The following FLRT3 variants were observed in gnomAD, a reference collection of about 807,000 sequenced individuals.
FLRT3 encodes the protein fibronectin leucine rich transmembrane protein 3, also known as leucine-rich repeat transmembrane protein FLRT3.
A neutral mutation model predicts 42.6 loss-of-function variants in FLRT3; 17 were observed. The ratio of observed to expected loss-of-function variants is 0.40; its 90% CI spans 0.27 to 0.60. The LOEUF is 0.60. Among genes scored for constraint, FLRT3 ranks in the 20% least tolerant of loss-of-function variants. The pLI is 0.44. For missense variants in FLRT3, 635 were observed against 789.2 expected (o/e 0.80, Z 2.34); for synonymous variants, 279 against 286.4 (o/e 0.97, Z 0.26).
intron 1 of FLRT3, among the ~76,000 whole-genome samples, chr20:14,336,565 ATCCTCTGC>A (rs2082941369): frequency 1.3e-5 from 2 of 152,162 alleles, no homozygotes; most frequent in African/African-American, 4.8e-5. Context: ...CAAAGAATGG[ATCCTCTGC>A]AAAACCCACT....
At chr20:14,335,069 G>A (rs972001146) in intron 1 of FLRT3, among the ~76,000 whole-genome samples, 1 of 152,034 alleles carries the variant, frequency 6.6e-6, no homozygotes, top group African/African-American at 2.4e-5. Flanking sequence ...ATTAAGACAA[G>A]GCCAATTCCC....
Position 14,334,180 on chromosome 20 carries a change from G to A in FLRT3, c.-247+3224C>T, listed in dbSNP as rs147266541. 1.5e-3 allele frequency among the ~76,000 whole-genome samples: 231 copies of A among 152,172 alleles called. 1 individual carries two copies. In the East Asian group the frequency reaches 0.041, roughly 27 times the overall value. ...AAAATCTGTTTTCTCTGGGGTTTTCGTAAATAGATAACTCAAAGTTCTTTC... is the reference window on the plus strand; with the variant it reads ...AAAATCTGTTTTCTCTGGGGTTTTCATAAATAGATAACTCAAAGTTCTTTC... On this transcript the variant is annotated intron_variant, in intron 1 of 2. Transcript: ENST00000341420.
rs1601494586 is a variant in FLRT3 at position 14,332,756 on chromosome 20, A to C, written c.-246-3429T>G. ...GTAAAACCTTGAGACTAAAGAAAAC[A>C]CATGCCTAAACAAATGTATCCAACT... On this transcript the variant is annotated intron_variant, in intron 1 of 2. Transcript: ENST00000341420. 2.0e-5 allele frequency among the ~76,000 whole-genome samples: 3 copies of C among 152,262 alleles called. No homozygotes were observed. The East Asian group carries it at 5.8e-4, about 29-fold the overall frequency.
intron 2 of FLRT3, among the ~76,000 whole-genome samples, chr20:14,328,663 T>C (rs952796944): frequency 3.3e-5 from 5 of 152,132 alleles, no homozygotes; most frequent in African/African-American, 4.8e-5. Flanking sequence ...CTGGGACTTA[T>C]AAACTTTTGT....
intron 2 of FLRT3, among the ~76,000 whole-genome samples, chr20:14,328,390 C>G (rs546999414): frequency 6.6e-6 from 1 of 152,058 alleles, no homozygotes; most frequent in South Asian, 2.1e-4. Context: ...TTTTCTACCT[C>G]ATAACGTGTT....
intron 1 of FLRT3, among the ~76,000 whole-genome samples, chr20:14,334,823 A>C (rs2082908555): frequency 6.6e-6 from 1 of 151,998 alleles, no homozygotes; most frequent in African/African-American, 2.4e-5. Context: ...ATGGGTTTGA[A>C]TAAAAGAATA....
intron 1 of FLRT3, among the ~76,000 whole-genome samples, chr20:14,333,476 G>T (rs1433712518): frequency 6.6e-6 from 1 of 152,106 alleles, no homozygotes; most frequent in Non-Finnish European, 1.5e-5. Context: ...TTGTAAGAAC[G>T]AGTAAGATAT....
At position 14,325,864 on chromosome 20, in the gene FLRT3, A is replaced by T; in HGVS notation, c.1643T>A (p.Val548Glu). 1 of 1,613,930 alleles carries T rather than the reference A, an allele frequency of 6.2e-7. No individual in the cohort carries two copies. The change falls in exon 3 of 3, where the codon GTG becomes GAG. Residue 548 changes from valine to glutamate, a missense_variant. Coordinates refer to ENST00000341420, the MANE Select transcript of FLRT3 (RefSeq NM_198391.3). The part of the protein sequence containing the change: ...ALVTIALLAL[V>E]CWYVHRNGSL... ...TCCATTCCTATGAACATACCAACACACTAAAGCAAGAAGGGCAATGGTAAC... is the reference window on the plus strand; with the variant it reads ...TCCATTCCTATGAACATACCAACACTCTAAAGCAAGAAGGGCAATGGTAAC...
intron 1 of FLRT3, among the ~76,000 whole-genome samples, chr20:14,329,749 A>T (rs556272113): frequency 2.0e-4 from 30 of 152,254 alleles, no homozygotes; most frequent in African/African-American, 7.0e-4. Flanking sequence ...ATTTCTGAAC[A>T]TGATTTAACA....
Position 14,326,684 on chromosome 20 carries a change from G to C in FLRT3, c.823C>G (p.Arg275Gly), listed in dbSNP as rs745543415. ...AGGTTATTATTGGACATATCCAGTCGATAGAGCTGCCTTAGATAAGAAAAA... is the reference window on the plus strand; with the variant it reads ...AGGTTATTATTGGACATATCCAGTCCATAGAGCTGCCTTAGATAAGAAAAA... ...NAFSYLRQLY[R>G]LDMSNNNLSN... is the part of the protein sequence containing the mutation. Residue 275 changes from arginine (R) to glycine (G), a missense_variant, in exon 3 of 3, where the codon CGA (arginine) becomes GGA (glycine). By Grantham distance (125) the Arg-to-Gly change is moderately radical (BLOSUM62 -2). Transcript: ENST00000341420. This position sits in a 1 kb window ranked among gnomAD's most constrained non-coding sequence, Gnocchi z 5.5. The C allele has an allele frequency of 1.9e-6, 3 of 1,613,742 alleles. No homozygotes were observed. The highest frequency in any genetic ancestry group is 2.5e-6 in the Non-Finnish European group (3 of 1,179,828).
At chr20:14,329,753 T>C (rs1443625022) in intron 1 of FLRT3, among the ~76,000 whole-genome samples, 2 of 152,082 alleles carry the variant, frequency 1.3e-5, no homozygotes, top group Non-Finnish European at 2.9e-5. Flanking sequence ...CTGAACATGA[T>C]TTAACAAAGT....
intron 1 of FLRT3, among the ~76,000 whole-genome samples, chr20:14,333,493 A>T (rs1256702144): frequency 6.6e-6 from 1 of 152,172 alleles, no homozygotes; most frequent in African/African-American, 2.4e-5. Flanking sequence ...ATATTAATTT[A>T]GAGAGTGGTG....
intron 1 of FLRT3, among the ~76,000 whole-genome samples, chr20:14,329,904 G>A (rs1352406535): frequency 6.6e-6 from 1 of 151,956 alleles, no homozygotes; most frequent in Non-Finnish European, 1.5e-5. Flanking sequence ...CTCTTTAGGG[G>A]TGTATCTAAG....
intron 1 of FLRT3, among the ~76,000 whole-genome samples, chr20:14,335,496 T>C (rs1236556550): frequency 6.6e-6 from 1 of 152,212 alleles, no homozygotes; most frequent in African/African-American, 2.4e-5. Context: ...GCTGCCACAT[T>C]TAGTTATGAC....
At position 14,326,053 on chromosome 20, in the gene FLRT3, C is replaced by T. The variant is rs753706378; in HGVS notation, c.1454G>A (p.Ser485Asn). ...YKVCMVPMET[S>N]NLYLFDETPV... is the part of the protein sequence containing the mutation. ...AGTTTCATCAAATAGGTAGAGGTTGCTGGTTTCCATGGGAACCATGCATAC... is the reference window on the plus strand; with the variant it reads ...AGTTTCATCAAATAGGTAGAGGTTGTTGGTTTCCATGGGAACCATGCATAC... The change falls in exon 3 of 3, where the codon AGC becomes AAC. Residue 485 changes from serine (S) to asparagine (N), a missense_variant. Physicochemically the swap from Ser to Asn is conservative, Grantham distance 46. Coordinates refer to ENST00000341420, the MANE Select transcript of FLRT3 (RefSeq NM_198391.3). This position sits in a 1 kb window ranked among gnomAD's most constrained non-coding sequence, Gnocchi z 5.5. The T allele has an allele frequency of 5.0e-6, 8 of 1,613,798 alleles. No homozygotes were observed. Among genetic ancestry groups the T allele is most frequent in the Non-Finnish European group, 6.8e-6 (8 of 1,179,880 alleles).
chr20:14,336,049 G>A (rs1341627957), intron 1 of FLRT3, among the ~76,000 whole-genome samples: 1 of 152,076 alleles, frequency 6.6e-6, no homozygotes, highest in Non-Finnish European at 1.5e-5. Context: ...TTAGTCATCT[G>A]TCACTTTGGG....
rs2082705667 is a variant in FLRT3, at chr20:14,324,642, TA to T, written c.*914del. The T allele has an allele frequency of 6.6e-6, 1 of 152,162 alleles. No individual in the cohort carries two copies. Among genetic ancestry groups the T allele is most frequent in the Admixed American group, 6.6e-5 (1 of 15,262 alleles). 9.4% of individuals were successfully genotyped at this position (152,162 alleles called of 1,614,324 possible). The stretch of plus-strand genomic sequence containing the variant: ...AAAGTTTCTCTGACATCCTTTATGA[TA>T]AAAACATCATAAACACTAACAATTT... On this transcript the variant is annotated 3_prime_UTR_variant, in exon 3 of 3. Transcript: ENST00000341420.
At position 14,325,857 on chromosome 20, in the gene FLRT3, C is replaced by A; in HGVS notation, c.1650G>T (p.Trp550Cys). The part of the protein sequence containing the change: ...VTIALLALVC[W>C]YVHRNGSLFS... ...AGAGCGATCCATTCCTATGAACATA[C>A]CAACACACTAAAGCAAGAAGGGCAA... The change falls in exon 3 of 3, where the codon TGG (tryptophan) becomes TGT (cysteine). Residue 550 changes from tryptophan to cysteine, a missense_variant. By Grantham distance (215) the Trp-to-Cys change is radical (BLOSUM62 -2). Transcript: ENST00000341420. The A allele has an allele frequency of 6.2e-7, 1 of 1,613,928 alleles. No individual in the cohort carries two copies. Among genetic ancestry groups the A allele is most frequent in the Non-Finnish European group, 8.5e-7 (1 of 1,179,872 alleles).
At position 14,325,900 on chromosome 20, in the gene FLRT3, G is replaced by A; in HGVS notation, c.1607C>T (p.Ala536Val). ...NLPLAAIIGGAVALVTIALLA... is the reference protein window; with the variant it reads ...NLPLAAIIGGVVALVTIALLA... ...AAGGGCAATGGTAACCAGGGCCACA[G>A]CCCCACCAATGATGGCAGCCAAAGG... is the stretch of plus-strand genomic sequence containing the variant. Residue 536 changes from alanine to valine, a missense_variant, in exon 3 of 3, where the codon GCT (alanine) becomes GTT (valine). Transcript: ENST00000341420. The A allele has an allele frequency of 2.5e-6, 4 of 1,613,938 alleles. No homozygotes were observed. Among genetic ancestry groups the A allele is most frequent in the Non-Finnish European group, 3.4e-6 (4 of 1,179,884 alleles).
Sources: allele counts gnomAD v4.1 joint callset (sites outside exome capture counted in the v4.1 genomes callset), GRCh38; gene constraint gnomAD v4.1.1; non-coding constraint Gnocchi (gnomAD v3.1); transcripts MANE v1.5; gene names NCBI Gene and HGNC (gene_info 2026-07-23, HGNC 2026-07-21).